DMRT1: variants seen among roughly 807,000 people sequenced by gnomAD.
The protein encoded by DMRT1 is doublesex and mab-3 related transcription factor 1, also known as doublesex- and mab-3-related transcription factor 1.
DMRT1 carries 7 observed loss-of-function variants against 32.3 expected under a neutral mutation model. That is an observed-to-expected ratio of 0.22 (90% CI 0.12 to 0.41). DMRT1 has a LOEUF of 0.41. DMRT1 is among the 10% of genes least tolerant of loss of function. The pLI is 1.00. For synonymous variants in DMRT1, 278 were observed against 206.1 expected (o/e 1.35, Z -2.99); for missense variants, 625 against 500.5 (o/e 1.25, Z -2.37).
intron 2 of DMRT1, among the ~76,000 whole-genome samples, chr9:864,611 T>G (rs369954265): frequency 1.1e-4 from 16 of 151,184 alleles, no homozygotes; most frequent in South Asian, 4.2e-4. Flanking sequence ...CCATTCTCCT[T>G]CCTCAGCCTC....
At chr9:944,585 T>G (rs1480479705) in intron 4 of DMRT1, among the ~76,000 whole-genome samples, 1 of 152,226 alleles carries the variant, frequency 6.6e-6, no homozygotes, top group Non-Finnish European at 1.5e-5. Context: ...AACGGATCTT[T>G]AATGGTGGAA....
rs548672552 is a variant in DMRT1 at position 965,811 on chromosome 9, C to T, written c.968-2174C>T. ...GAAGGTTGGTGCAGGGGCCAGAGCACGCCAGAGTCAGCCTAATCAGTACAG... is the reference window on the plus strand; with the variant it reads ...GAAGGTTGGTGCAGGGGCCAGAGCATGCCAGAGTCAGCCTAATCAGTACAG... On this transcript the variant is annotated intron_variant, in intron 4 of 4. Transcript: ENST00000382276. This position sits in a 1 kb window ranked among gnomAD's most constrained non-coding sequence, Gnocchi z 4.5. Among the ~76,000 whole-genome samples the T allele has an allele frequency of 5.3e-5, 8 of 152,328 alleles. No homozygotes were observed. Among genetic ancestry groups the T allele is most frequent in the South Asian group, 4.1e-4 (2 of 4,824 alleles).
At chr9:964,230 G>A (rs943768629) in intron 4 of DMRT1, among the ~76,000 whole-genome samples, 3 of 151,712 alleles carry the variant, frequency 2.0e-5, no homozygotes, top group African/African-American at 7.3e-5. Flanking sequence ...TTTTTTGACA[G>A]TATAAATATT....
chr9:925,875 G>C (rs750074955), intron 4 of DMRT1, among the ~76,000 whole-genome samples: 4 of 152,232 alleles, frequency 2.6e-5, no homozygotes, highest in Non-Finnish European at 5.9e-5. Context: ...GAAGCTCAGT[G>C]ATGATGCTGT....
At chr9:858,993 G>T (rs12555212) in intron 2 of DMRT1, among the ~76,000 whole-genome samples, 53,634 of 151,490 alleles carry the variant, frequency 0.35, 9,703 homozygotes, top group South Asian at 0.45. Flanking sequence ...GAACTTCCCA[G>T]ACAGAAACTC....
chr9:851,037 A>G (rs10121710), intron 2 of DMRT1, among the ~76,000 whole-genome samples: 1 of 48,742 alleles, frequency 2.1e-5, no homozygotes, highest in Non-Finnish European at 5.8e-5. Context: ...TCAAAAAAAA[A>G]AAAAAAAAGA....
intron 2 of DMRT1, among the ~76,000 whole-genome samples, chr9:858,834 A>G (rs1159530999): frequency 7.4e-6 from 1 of 135,216 alleles, no homozygotes; most frequent in Non-Finnish European, 1.6e-5. Flanking sequence ...AGATCGCGCC[A>G]TTGCACTCCA....
intron 3 of DMRT1, among the ~76,000 whole-genome samples, chr9:895,225 T>C (rs1276059786): frequency 6.6e-6 from 1 of 152,212 alleles, no homozygotes; most frequent in Admixed American, 6.5e-5. Flanking sequence ...GCTGTTCTGC[T>C]TCCTCAGTTG....
intron 2 of DMRT1, among the ~76,000 whole-genome samples, chr9:853,952 T>A (rs561531278): frequency 6.6e-6 from 1 of 151,722 alleles, no homozygotes; most frequent in Non-Finnish European, 1.5e-5. Context: ...CACGCTATCA[T>A]GCCTGGCTAA....
chr9:953,219 C>A (rs184605702), intron 4 of DMRT1, among the ~76,000 whole-genome samples: 1 of 152,076 alleles, frequency 6.6e-6, no homozygotes, highest in Non-Finnish European at 1.5e-5. Flanking sequence ...ACGTATCTGA[C>A]GGCCACCCCT....
chr9:844,715 CTTTCTTTTTT>C lies in DMRT1; in HGVS notation c.355-2241_355-2232del, dbSNP rs1177296147. Among the ~76,000 whole-genome samples, 28 of 135,710 alleles carry C rather than the reference CTTTCTTTTTT, an allele frequency of 2.1e-4. 1 individual carries two copies. Among genetic ancestry groups the C allele is most frequent in the Middle Eastern group, 4.0e-3 (1 of 250 alleles). The allele number at this position is 135,710 out of a possible 152,430, so 89.0% of individuals were successfully genotyped here. ...AAATTGTAGTTGTTTTTCTTTCTTTCTTTCTTTTTTTTTTTTTTTTTTGAGACAGGAGTCT... is the reference window on the plus strand; with the variant it reads ...AAATTGTAGTTGTTTTTCTTTCTTTCTTTTTTTTTTTTGAGACAGGAGTCT... On this transcript the variant is annotated intron_variant, in intron 1 of 4. Transcript: ENST00000382276.
chr9:867,292 C>A (rs1028010648), intron 2 of DMRT1, among the ~76,000 whole-genome samples: 1 of 151,854 alleles, frequency 6.6e-6, no homozygotes, highest in Non-Finnish European at 1.5e-5. Context: ...GAAGAAGTGA[C>A]GTTTGTCAAA....
intron 4 of DMRT1, among the ~76,000 whole-genome samples, chr9:933,378 A>C (rs1056077836): frequency 6.6e-6 from 1 of 152,230 alleles, no homozygotes; most frequent in Non-Finnish European, 1.5e-5. Flanking sequence ...ACTCTGTGCC[A>C]GGAACCCAGG....
intron 2 of DMRT1, among the ~76,000 whole-genome samples, chr9:864,710 C>A (rs919486605): frequency 4.6e-5 from 7 of 151,066 alleles, no homozygotes. Context: ...CCATGTTAGC[C>A]AGGATGGTCT....
intron 4 of DMRT1, among the ~76,000 whole-genome samples, chr9:947,338 C>T (rs975760796): frequency 6.6e-6 from 1 of 152,158 alleles, no homozygotes; most frequent in African/African-American, 2.4e-5. Flanking sequence ...ATTATTCTTC[C>T]AATGTGGCCC....
intron 2 of DMRT1, among the ~76,000 whole-genome samples, chr9:875,343 T>C (rs1268573750): frequency 6.6e-6 from 1 of 152,198 alleles, no homozygotes; most frequent in East Asian, 1.9e-4. Flanking sequence ...TTTCCACAGA[T>C]AGGGCTCCCA....
chr9:904,941 T>TC (rs1554754482), intron 3 of DMRT1, among the ~76,000 whole-genome samples: 2 of 42,318 alleles, frequency 4.7e-5, no homozygotes, highest in Non-Finnish European at 1.1e-4. Flanking sequence ...AAACTCCGTC[T>TC]CAAAAAAAAA....
intron 4 of DMRT1, among the ~76,000 whole-genome samples, chr9:940,047 A>G (rs993780129): frequency 1.3e-5 from 2 of 152,176 alleles, no homozygotes; most frequent in African/African-American, 4.8e-5. Flanking sequence ...CTATTATCAA[A>G]AAAACGGAAA....
intron 4 of DMRT1, among the ~76,000 whole-genome samples, chr9:959,766 G>A (rs1290431609): frequency 1.3e-5 from 2 of 152,084 alleles, no homozygotes; most frequent in South Asian, 4.1e-4. Flanking sequence ...GACCTCTGGT[G>A]ATCCACCTAC....
Sources: gnomAD v4.1 joint callset for allele counts (sites outside exome capture counted in the v4.1 genomes callset) on GRCh38, gnomAD v4.1.1 for gene constraint, Gnocchi (gnomAD v3.1) non-coding constraint, MANE v1.5 for transcripts, NCBI Gene and HGNC (gene_info 2026-07-23, HGNC 2026-07-21) for gene names.